The following SLC8A1 variants were observed in gnomAD, a reference collection of about 807,000 sequenced individuals.
SLC8A1 encodes solute carrier family 8 member A1.
Under a neutral mutation model 68.3 loss-of-function variants are expected in SLC8A1, and 18 were observed. That is an observed-to-expected ratio of 0.26 (90% CI 0.18 to 0.39). The LOEUF (loss-of-function observed/expected upper bound fraction) is 0.39, where lower values mean the gene tolerates loss of function less well. Ranked by LOEUF, SLC8A1 falls within the 10% of genes least tolerant of loss-of-function variation. The pLI is 1.00. For synonymous variants in SLC8A1, 475 were observed against 415.5 expected, an observed-to-expected ratio of 1.14 and a Z score of -1.74; for missense variants, 985 against 1,156.7, an observed-to-expected ratio of 0.85 and a Z score of 2.15.
chr2:40,131,214 C>A (rs765555), intron 7 of SLC8A1, among the ~76,000 whole-genome samples: 86,271 of 151,890 alleles, frequency 0.57, 25,018 homozygotes, highest in Middle Eastern at 0.71. Flanking sequence ...TAGTAAGTAG[C>A]GGAGGGAGGG....
intron 6 of SLC8A1, among the ~76,000 whole-genome samples, chr2:40,142,038 TG>T (rs1274906509): frequency 6.6e-6 from 1 of 152,150 alleles, no homozygotes; most frequent in Non-Finnish European, 1.5e-5. Flanking sequence ...ACCCAGTCTG[TG>T]GTATTTATTA....
At chr2:40,295,795 C>T (rs1435087417) in intron 2 of SLC8A1, among the ~76,000 whole-genome samples, 1 of 152,182 alleles carries the variant, frequency 6.6e-6, no homozygotes, top group Non-Finnish European at 1.5e-5. Flanking sequence ...TCTTGACTCT[C>T]AGACCATCCA....
chr2:40,346,047 T>TAAAAAAAAAAAAAAAAAAAAAA (rs774555210), intron 2 of SLC8A1, among the ~76,000 whole-genome samples: 1 of 41,696 alleles, frequency 2.4e-5, no homozygotes, highest in Admixed American at 3.1e-4. Context: ...ACATTAACAG[T>TAAAAAAAAAAAAAAAAAAAAAA]AAAAAAAAAA....
chr2:40,238,666 T>TAGAG (rs2060783123), intron 2 of SLC8A1, among the ~76,000 whole-genome samples: 1 of 152,232 alleles, frequency 6.6e-6, no homozygotes, highest in Admixed American at 6.5e-5. Context: ...TTCCCCAAGC[T>TAGAG]AGAGCTATGC....
At chr2:40,274,214 A>G (rs1055250071) in intron 2 of SLC8A1, among the ~76,000 whole-genome samples, 3 of 148,964 alleles carry the variant, frequency 2.0e-5, no homozygotes, top group African/African-American at 5.0e-5. Flanking sequence ...TCACATTTGC[A>G]TACTAGATTT....
exon 8 of SLC8A1, chr2:40,107,429 T>A (rs1156857950): frequency 6.6e-6 from 1 of 151,880 alleles, no homozygotes; most frequent in East Asian, 1.9e-4. Flanking sequence ...TTCCAGAGCT[T>A]TTTTCAACAC....
At chr2:40,144,870 A>G (rs117197323) in intron 6 of SLC8A1, among the ~76,000 whole-genome samples, 1 of 152,268 alleles carries the variant, frequency 6.6e-6, no homozygotes, top group East Asian at 1.9e-4. Context: ...TAGTAAAATT[A>G]TTATAGGGAG....
At position 40,242,020 on chromosome 2, in the gene SLC8A1, C is replaced by G. The variant is rs184116455; in HGVS notation, c.1809-64165G>C. 2.4e-3 allele frequency among the ~76,000 whole-genome samples: 358 copies of G among 152,218 alleles called. 4 individuals carry two copies. The highest frequency in any genetic ancestry group is 8.2e-3 in the African/African-American group (342 of 41,538). The stretch of plus-strand genomic sequence containing the variant: ...TCTATTTCCTATAGTTTGCTACTAA[C>G]TTCGGGGCAGATCTCCAGAAAATAA... On this transcript the variant is annotated intron_variant, in intron 2 of 7. Coordinates refer to ENST00000406785, the Ensembl canonical transcript of SLC8A1.
intron 6 of SLC8A1, among the ~76,000 whole-genome samples, chr2:40,156,571 G>A (rs910997284): frequency 7.9e-5 from 12 of 151,946 alleles, no homozygotes; most frequent in Non-Finnish European, 1.5e-4. Flanking sequence ...GCCTATGGGT[G>A]CACCTAGGAA....
chr2:40,348,973 T>C (rs1030901296), intron 2 of SLC8A1, among the ~76,000 whole-genome samples: 5 of 152,186 alleles, frequency 3.3e-5, no homozygotes, highest in African/African-American at 1.2e-4. Flanking sequence ...AATTTCGTGG[T>C]GCCATGGGCT....
intron 7 of SLC8A1, among the ~76,000 whole-genome samples, chr2:40,128,133 T>G (rs1370515756): frequency 6.6e-6 from 1 of 152,270 alleles, no homozygotes; most frequent in Non-Finnish European, 1.5e-5. Context: ...CACCATGATT[T>G]CATATCTATA....
chr2:40,281,458 G>C (rs2067509637), intron 2 of SLC8A1, among the ~76,000 whole-genome samples: 1 of 152,184 alleles, frequency 6.6e-6, no homozygotes, highest in Non-Finnish European at 1.5e-5. Flanking sequence ...CTCTATGCAG[G>C]CTATGTGCCA....
chr2:40,265,430 T>C (rs1394352008), intron 2 of SLC8A1, among the ~76,000 whole-genome samples: 1 of 152,210 alleles, frequency 6.6e-6, no homozygotes, highest in African/African-American at 2.4e-5. Flanking sequence ...TGGACTTTTC[T>C]GTTGCTCTTT....
chr2:40,403,889 C>A (rs760542893), intron 2 of SLC8A1, among the ~76,000 whole-genome samples: 2 of 152,120 alleles, frequency 1.3e-5, no homozygotes, highest in Non-Finnish European at 2.9e-5. Flanking sequence ...CATATGTACC[C>A]TAAAGGAAAT....
At chr2:40,188,868 TA>T (rs1347607728) in intron 2 of SLC8A1, among the ~76,000 whole-genome samples, 1 of 152,224 alleles carries the variant, frequency 6.6e-6, no homozygotes, top group Non-Finnish European at 1.5e-5. Context: ...AAAACATTCT[TA>T]AAGATGGATG....
chr2:40,231,504 T>A (rs542901041), intron 2 of SLC8A1, among the ~76,000 whole-genome samples: 39 of 152,276 alleles, frequency 2.6e-4, no homozygotes, highest in African/African-American at 9.1e-4. Context: ...CTCTTTTTTT[T>A]ATTTTCTTTG....
rs576623727 is a variant in SLC8A1 at position 40,115,619 on chromosome 2, G to A, written c.2448C>T (p.Ala816=). 6.8e-6 allele frequency: 11 copies of A among 1,607,676 alleles called. No individual in the cohort carries two copies. The African/African-American group carries it at 1.3e-4, about 19-fold the overall frequency. The change falls in exon 8 of 8, where the codon GCC becomes GCT. Residue 816 remains alanine, a synonymous_variant. Transcript: ENST00000406785. Reference sequence around the variant, plus strand: ...GGTCCTGGGTGGCTGCCACTTTGCTGGCAAATGTGTCTGCAGAGGAAGAAG... The same window carrying A: ...GGTCCTGGGTGGCTGCCACTTTGCTAGCAAATGTGTCTGCAGAGGAAGAAG...
intron 2 of SLC8A1, among the ~76,000 whole-genome samples, chr2:40,237,033 A>AT (rs36186868): frequency 5.0e-4 from 75 of 150,602 alleles, no homozygotes; most frequent in African/African-American, 1.7e-3. Context: ...TGCCCTTAAC[A>AT]TTTTTTTTTT....
At chr2:40,225,095 T>G (rs996057307) in intron 2 of SLC8A1, among the ~76,000 whole-genome samples, 1 of 152,138 alleles carries the variant, frequency 6.6e-6, no homozygotes, top group Admixed American at 6.6e-5. Flanking sequence ...AGTAGGTAAC[T>G]ATAGGACTTC....
Sources: allele counts gnomAD v4.1 joint callset (sites outside exome capture counted in the v4.1 genomes callset), GRCh38; gene constraint gnomAD v4.1.1; transcripts MANE v1.5; gene names NCBI Gene and HGNC (gene_info 2026-07-23, HGNC 2026-07-21).